Variants in COMMD10 observed in about 807,000 individuals in gnomAD.
COMMD10 encodes COMM domain-containing protein 10.
Under a neutral mutation model 28.9 loss-of-function variants are expected in COMMD10, and 33 were observed. The observed-to-expected ratio is 1.14, with a 90% confidence interval of 0.87 to 1.53. The LOEUF (loss-of-function observed/expected upper bound fraction) is 1.53, where lower values mean the gene tolerates loss of function less well. Among genes scored for constraint, COMMD10 ranks in the 40% most tolerant of loss-of-function variants. COMMD10 has a pLI of 0.00. For synonymous variants in COMMD10, 110 were observed against 81.7 expected (o/e 1.35, Z -1.87); for missense variants, 310 against 233.4 (o/e 1.33, Z -2.14).
chr5:116,154,647 C>T (rs927777408), intron 5 of COMMD10, among the ~76,000 whole-genome samples: 1 of 152,042 alleles, frequency 6.6e-6, no homozygotes, highest in Non-Finnish European at 1.5e-5. Flanking sequence ...GCAAGTTGGC[C>T]CAAAGTCGTA....
chr5:116,267,648 A>C (rs1200426840), intron 5 of COMMD10, among the ~76,000 whole-genome samples: 6 of 151,932 alleles, frequency 3.9e-5, no homozygotes, highest in South Asian at 4.1e-4. Context: ...CAAGACAATC[A>C]TAAGCCAAAA....
chr5:116,106,679 G>A (rs1339383348), intron 4 of COMMD10, among the ~76,000 whole-genome samples: 3 of 152,130 alleles, frequency 2.0e-5, no homozygotes, highest in African/African-American at 7.2e-5. Flanking sequence ...TGTATTGGGT[G>A]CATATATACT....
intron 4 of COMMD10, among the ~76,000 whole-genome samples, chr5:116,129,145 G>C (rs1326827522): frequency 6.6e-6 from 1 of 151,406 alleles, no homozygotes; most frequent in Non-Finnish European, 1.5e-5. Context: ...TGTAACTTTT[G>C]ATTTTGATAT....
intron 4 of COMMD10, among the ~76,000 whole-genome samples, chr5:116,124,909 C>T (rs985665792): frequency 8.6e-5 from 13 of 151,982 alleles, no homozygotes; most frequent in African/African-American, 3.1e-4. Context: ...TTTTGCTTTC[C>T]ATTTGCTTGG....
At chr5:116,262,427 A>G (rs576686147) in intron 5 of COMMD10, among the ~76,000 whole-genome samples, 12 of 151,820 alleles carry the variant, frequency 7.9e-5, no homozygotes, top group African/African-American at 9.7e-5. Flanking sequence ...TGATGTGTAT[A>G]TGTGTTTTTG....
chr5:116,192,833 A>G (rs1457884041), intron 5 of COMMD10, among the ~76,000 whole-genome samples: 7 of 152,210 alleles, frequency 4.6e-5, no homozygotes, highest in Non-Finnish European at 1.0e-4. Context: ...GAAATTTATC[A>G]CAAAGAGATC....
At chr5:116,227,006 T>C (rs1749409500) in intron 5 of COMMD10, among the ~76,000 whole-genome samples, 1 of 152,050 alleles carries the variant, frequency 6.6e-6, no homozygotes, top group South Asian at 2.1e-4. Context: ...TAGATAAGTT[T>C]ACTGCTCCAT....
At chr5:116,230,562 G>A (rs982868810) in intron 5 of COMMD10, among the ~76,000 whole-genome samples, 2 of 151,958 alleles carry the variant, frequency 1.3e-5, no homozygotes, top group Non-Finnish European at 2.9e-5. Context: ...AAAATTTGTT[G>A]CTGTGTTTAT....
intron 5 of COMMD10, among the ~76,000 whole-genome samples, chr5:116,188,135 G>T: frequency 6.6e-6 from 1 of 152,114 alleles, no homozygotes; most frequent in Non-Finnish European, 1.5e-5. Flanking sequence ...TGCAGTTAGT[G>T]ACTGATTTTA....
rs372091009 is a variant in COMMD10 at position 116,260,974 on chromosome 5, G to A, written c.511-30543G>A. ...TTGAAAATTACTAACAGATCTGTGCGATTGGTTTTGTATGCCTTGTGAAGA... is the reference window on the plus strand; with the variant it reads ...TTGAAAATTACTAACAGATCTGTGCAATTGGTTTTGTATGCCTTGTGAAGA... On this transcript the variant is annotated intron_variant, in intron 5 of 6. Coordinates refer to ENST00000274458, the MANE Select transcript of COMMD10 (RefSeq NM_016144.4). 1.3e-4 allele frequency among the ~76,000 whole-genome samples: 19 copies of A among 151,700 alleles called. 1 individual carries two copies. The highest frequency in any genetic ancestry group is 3.9e-4 in the Admixed American group (6 of 15,212).
chr5:116,268,952 T>TG (rs1325602249), intron 5 of COMMD10, among the ~76,000 whole-genome samples: 1 of 137,052 alleles, frequency 7.3e-6, no homozygotes, highest in Non-Finnish European at 1.6e-5. Flanking sequence ...TGTTGTGGGG[T>TG]GGGGGGAAGG....
At chr5:116,234,693 C>G (rs906030579) in intron 5 of COMMD10, among the ~76,000 whole-genome samples, 1 of 152,172 alleles carries the variant, frequency 6.6e-6, no homozygotes, top group African/African-American at 2.4e-5. Context: ...AATTTACACA[C>G]AGATCGAGTT....
At chr5:116,267,094 C>T (rs1417240549) in intron 5 of COMMD10, among the ~76,000 whole-genome samples, 1 of 151,664 alleles carries the variant, frequency 6.6e-6, no homozygotes, top group African/African-American at 2.4e-5. Context: ...AAATTCTGGC[C>T]AGGGCAATCA....
At chr5:116,099,698 T>C (rs961233972) in intron 4 of COMMD10, among the ~76,000 whole-genome samples, 2 of 152,208 alleles carry the variant, frequency 1.3e-5, no homozygotes, top group Non-Finnish European at 1.5e-5. Flanking sequence ...TGATTAATGA[T>C]ATTGACCACT....
intron 5 of COMMD10, among the ~76,000 whole-genome samples, chr5:116,154,539 G>A (rs1007020463): frequency 6.6e-6 from 1 of 152,112 alleles, no homozygotes; most frequent in Non-Finnish European, 1.5e-5. Context: ...TTTTGGAGAA[G>A]TTTGGTTTAC....
At chr5:116,196,424 A>T (rs1748522985) in intron 5 of COMMD10, among the ~76,000 whole-genome samples, 1 of 152,016 alleles carries the variant, frequency 6.6e-6, no homozygotes, top group Non-Finnish European at 1.5e-5. Context: ...GGTGCACCAA[A>T]ATCTCACAAA....
At chr5:116,170,749 T>G (rs1363060946) in intron 5 of COMMD10, among the ~76,000 whole-genome samples, 1 of 152,216 alleles carries the variant, frequency 6.6e-6, no homozygotes, top group Non-Finnish European at 1.5e-5. Flanking sequence ...GGTATTCTAT[T>G]TAATAAATTA....
intron 5 of COMMD10, among the ~76,000 whole-genome samples, chr5:116,187,994 A>G (rs903588639): frequency 6.6e-6 from 1 of 152,168 alleles, no homozygotes; most frequent in African/African-American, 2.4e-5. Context: ...AAGTATATAG[A>G]TTCAGATCTG....
intron 5 of COMMD10, among the ~76,000 whole-genome samples, chr5:116,233,277 ATTAG>A (rs370506556): frequency 3.5e-4 from 54 of 152,190 alleles, no homozygotes; most frequent in East Asian, 3.1e-3. Flanking sequence ...CTATTTTATT[ATTAG>A]TTATTGTTAA....
Sources: allele counts gnomAD v4.1 joint callset (sites outside exome capture counted in the v4.1 genomes callset), GRCh38; gene constraint gnomAD v4.1.1; transcripts MANE v1.5; gene names NCBI Gene and HGNC (gene_info 2026-07-23, HGNC 2026-07-21).